HIRA: variants seen among roughly 807,000 people sequenced by gnomAD.
The protein encoded by HIRA is histone cell cycle regulator, also known as protein HIRA.
Under a neutral mutation model 126.6 loss-of-function variants are expected in HIRA, and 13 were observed. That is an observed-to-expected ratio of 0.10 (90% CI 0.07 to 0.16). HIRA has a LOEUF of 0.16. Among genes scored for constraint, HIRA ranks in the 10% least tolerant of loss-of-function variants. The probability of loss-of-function intolerance (pLI) is 1.00; values close to 1 mark genes in which losing one functional copy is unlikely to be tolerated. For missense variants in HIRA, 834 were observed against 1,314.4 expected (o/e 0.63, Z 5.65); for synonymous variants, 511 against 520.0 (o/e 0.98, Z 0.24).
intron 15 of HIRA, among the ~76,000 whole-genome samples, chr22:19,369,696 C>T (rs1167339242): frequency 6.6e-6 from 1 of 152,134 alleles, no homozygotes; most frequent in African/African-American, 2.4e-5. Context: ...CACTGGGAGG[C>T]CGAGGTGGGC....
At position 19,332,010 on chromosome 22, in the gene HIRA, C is replaced by G. The variant is rs138349633; in HGVS notation, c.2938-454G>C. Among the ~76,000 whole-genome samples, 1,444 of 152,354 alleles carry G rather than the reference C, an allele frequency of 9.5e-3. 11 individuals carry two copies. The highest frequency in any genetic ancestry group is 0.016 in the Non-Finnish European group (1,119 of 68,034). ...GTGACTGGCTTTAGTTTTCCAGCAA[C>G]ACAAATGAGGTGCCAGTATCCCCTG... is the stretch of plus-strand genomic sequence containing the variant. On this transcript the variant is annotated intron_variant, in intron 24 of 24. Coordinates refer to ENST00000263208, the MANE Select transcript of HIRA (RefSeq NM_003325.4).
chr22:19,404,473 A>G (rs2089293245), intron 5 of HIRA, among the ~76,000 whole-genome samples: 1 of 152,218 alleles, frequency 6.6e-6, no homozygotes, highest in East Asian at 1.9e-4. Flanking sequence ...AGGGCCAATT[A>G]CACAATTTAA....
intron 15 of HIRA, among the ~76,000 whole-genome samples, chr22:19,373,241 T>C (rs1320321863): frequency 6.6e-6 from 1 of 152,222 alleles, no homozygotes; most frequent in East Asian, 1.9e-4. Context: ...TTTTAGCTTT[T>C]GTTCCAATTT....
At chr22:19,361,099 A>C in intron 17 of HIRA, 138 bp downstream of exon 17, 1 of 697,324 alleles carries the variant, frequency 1.4e-6, no homozygotes, top group Non-Finnish European at 2.5e-6. Context: ...CCGATCTGCT[A>C]TGACTTCTCC....
intron 9 of HIRA, among the ~76,000 whole-genome samples, 160 bp from the exon 10 acceptor site, chr22:19,388,714 T>C (rs892672905): frequency 6.6e-6 from 1 of 152,222 alleles, no homozygotes; most frequent in African/African-American, 2.4e-5. Flanking sequence ...GATCCCAAAC[T>C]GTGGGAACCA....
intron 24 of HIRA, among the ~76,000 whole-genome samples, chr22:19,348,366 A>C (rs922487876): frequency 1.2e-4 from 18 of 152,238 alleles, no homozygotes; most frequent in African/African-American, 4.1e-4. Flanking sequence ...ACGGAAATAG[A>C]TCTGCAAAGG....
At chr22:19,410,038 T>C (rs533711791) in intron 2 of HIRA, among the ~76,000 whole-genome samples, 141 of 152,172 alleles carry the variant, frequency 9.3e-4, no homozygotes, top group Non-Finnish European at 1.9e-3. Flanking sequence ...GGAGGCCTGG[T>C]TGGAGGGAGG....
intron 14 of HIRA, among the ~76,000 whole-genome samples, chr22:19,377,630 G>C (rs2089031341): frequency 6.6e-6 from 1 of 152,146 alleles, no homozygotes; most frequent in African/African-American, 2.4e-5. Flanking sequence ...ACCCTTAGCA[G>C]CCTGACCCTC....
intron 1 of HIRA, among the ~76,000 whole-genome samples, chr22:19,411,064 G>A (rs1476188726): frequency 6.6e-6 from 1 of 152,218 alleles, no homozygotes; most frequent in Admixed American, 6.5e-5. Flanking sequence ...AGGGCACACA[G>A]CTGTAACTCC....
chr22:19,387,649 C>G, intron 11 of HIRA, 62 bp downstream of exon 11: 2 of 1,230,390 alleles, frequency 1.6e-6, no homozygotes, highest in Non-Finnish European at 2.4e-6. Context: ...TCAAAGGGGT[C>G]TCTCAGAGCT....
chr22:19,335,214 C>T (rs967593121), intron 24 of HIRA, among the ~76,000 whole-genome samples: 1 of 151,566 alleles, frequency 6.6e-6, no homozygotes, highest in Non-Finnish European at 1.5e-5. Context: ...ACTACATTTT[C>T]ATTATTTGGC....
intron 24 of HIRA, among the ~76,000 whole-genome samples, chr22:19,335,698 T>C (rs376733845): frequency 4.0e-5 from 6 of 149,540 alleles, no homozygotes; most frequent in Admixed American, 2.0e-4. Flanking sequence ...TAGCCCCCCC[T>C]ATTTTTCCCA....
intron 1 of HIRA, among the ~76,000 whole-genome samples, chr22:19,419,918 C>G (rs1311068503): frequency 1.3e-5 from 2 of 152,148 alleles, no homozygotes; most frequent in African/African-American, 2.4e-5. Context: ...CTACCACTTT[C>G]GACCACAAAA....
chr22:19,331,892 G>A (rs1372390580), intron 24 of HIRA, among the ~76,000 whole-genome samples: 1 of 152,230 alleles, frequency 6.6e-6, no homozygotes, highest in African/African-American at 2.4e-5. Flanking sequence ...TGAGGGTCAG[G>A]TGGCTGGCCA....
Position 19,356,246 on chromosome 22 carries a change from T to C in HIRA, c.2439A>G (p.Leu813=), listed in dbSNP as rs1136028. ...CTGCATTACCTGCCAGGATGGAGTG[T>C]AGAGACTCTTCTTTCACCACAACCA... is the stretch of plus-strand genomic sequence containing the variant. ...RQVVVVKEES[L]HSILAGSDMT... is the part of the protein sequence containing the mutation. The change falls in exon 20 of 25, where the codon CTA becomes CTG. Residue 813 remains leucine, a synonymous_variant. Coordinates refer to ENST00000263208, the MANE Select transcript of HIRA (RefSeq NM_003325.4). 6.0e-4 allele frequency: 975 copies of C among 1,614,056 alleles called. 5 individuals carry two copies. The African/African-American group carries it at 0.012, about 19-fold the overall frequency.
chr22:19,362,270 A>G (rs1286630804), intron 15 of HIRA, among the ~76,000 whole-genome samples: 2 of 152,242 alleles, frequency 1.3e-5, no homozygotes, highest in Non-Finnish European at 2.9e-5. Flanking sequence ...AATCTTTTGT[A>G]TTTCATATTC....
chr22:19,354,171 G>A, intron 21 of HIRA, 53 bp from the exon 22 acceptor site: 1 of 1,565,240 alleles, frequency 6.4e-7, no homozygotes. Flanking sequence ...GATCTGGTTG[G>A]CCTCTTTGCC....
intron 14 of HIRA, among the ~76,000 whole-genome samples, chr22:19,377,452 G>C (rs1601829142): frequency 6.6e-6 from 1 of 152,156 alleles, no homozygotes; most frequent in South Asian, 2.1e-4. Context: ...GAGAGTATAA[G>C]GGGAGTCTGT....
intron 13 of HIRA, among the ~76,000 whole-genome samples, chr22:19,379,420 T>A (rs1285853363): frequency 4.7e-5 from 7 of 149,738 alleles, no homozygotes; most frequent in East Asian, 2.1e-4. Context: ...AGGTCAAGAG[T>A]TCGAGACCAG....
Sources: gnomAD v4.1 joint callset for allele counts (sites outside exome capture counted in the v4.1 genomes callset) on GRCh38, gnomAD v4.1.1 for gene constraint, MANE v1.5 for transcripts, NCBI Gene and HGNC (gene_info 2026-07-23, HGNC 2026-07-21) for gene names.